Variants in TRA2A observed in about 807,000 individuals in gnomAD.
TRA2A encodes transformer 2 alpha homolog.
In TRA2A, 31 loss-of-function variants were observed where a neutral mutation model predicts 45.7. The observed-to-expected ratio is 0.68, with a 90% CI of 0.51 to 0.92. The LOEUF (loss-of-function observed/expected upper bound fraction) is 0.92. TRA2A is among the 40% of genes least tolerant of loss of function. The pLI is 0.00. For missense variants in TRA2A, 304 were observed against 367.5 expected (o/e 0.83, Z 1.41); for synonymous variants, 132 against 126.2 (o/e 1.05, Z -0.31).
At chr7:23,522,556 TAAAAAAAAA>T (rs35027244) in intron 1 of TRA2A, 1 of 134,426 alleles carries the variant, frequency 7.4e-6, no homozygotes, top group African/African-American at 2.8e-5. Context: ...CTAGTTTATT[TAAAAAAAAA>T]AAAAAAAAAC....
chr7:23,516,037 T>C (rs967199764), intron 3 of TRA2A, among the ~76,000 whole-genome samples: 4 of 151,968 alleles, frequency 2.6e-5, no homozygotes, highest in African/African-American at 9.7e-5. Context: ...CTGGGTGTGG[T>C]GGTGCACACC....
intron 4 of TRA2A, among the ~76,000 whole-genome samples, chr7:23,508,714 T>A (rs1789453787): frequency 6.6e-6 from 1 of 152,220 alleles, no homozygotes; most frequent in South Asian, 2.1e-4. Context: ...CAGGATGGTC[T>A]CGATCTCTTG....
intron 1 of TRA2A, among the ~76,000 whole-genome samples, chr7:23,523,624 A>C (rs1790224842): frequency 6.6e-6 from 1 of 152,202 alleles, no homozygotes; most frequent in Non-Finnish European, 1.5e-5. Context: ...TAAAAACAAA[A>C]CTGAAATACA....
intron 1 of TRA2A, among the ~76,000 whole-genome samples, chr7:23,528,287 C>G (rs914000258): frequency 5.9e-5 from 9 of 152,144 alleles, no homozygotes; most frequent in Non-Finnish European, 1.3e-4. Flanking sequence ...CGGCTCACTG[C>G]AACCTCCGCC....
intron 2 of TRA2A, among the ~76,000 whole-genome samples, chr7:23,518,578 T>A (rs1255642411): frequency 6.6e-6 from 1 of 151,800 alleles, no homozygotes; most frequent in Non-Finnish European, 1.5e-5. Context: ...CCTGACCTTG[T>A]GATCCACCCA....
chr7:23,525,081 A>G (rs954903302), intron 1 of TRA2A, among the ~76,000 whole-genome samples: 4 of 152,242 alleles, frequency 2.6e-5, no homozygotes, highest in African/African-American at 9.6e-5. Flanking sequence ...TGCCAAGTAT[A>G]TAATTATTTA....
intron 1 of TRA2A, among the ~76,000 whole-genome samples, chr7:23,528,892 G>A (rs1459595384): frequency 1.3e-5 from 2 of 152,038 alleles, no homozygotes; most frequent in African/African-American, 2.4e-5. Context: ...TCCTGAAAAG[G>A]AGGCAATAAG....
At chr7:23,518,629 C>T (rs536944476) in intron 2 of TRA2A, among the ~76,000 whole-genome samples, 2 of 151,982 alleles carry the variant, frequency 1.3e-5, no homozygotes, top group South Asian at 4.2e-4. Context: ...GCATGAGCCA[C>T]CGTGCCCAGC....
At position 23,516,302 on chromosome 7, in the gene TRA2A, T is replaced by C. The variant is rs141914790; in HGVS notation, c.336+61A>G. 241 of 1,569,396 alleles carry C rather than the reference T, an allele frequency of 1.5e-4. No homozygotes were observed. The East Asian group carries it at 5.1e-3, about 33-fold the overall frequency. On this transcript the variant is annotated intron_variant, in intron 3 of 7. Coordinates refer to ENST00000297071, the MANE Select transcript of TRA2A (RefSeq NM_013293.5). ...GCCAAGCTCCCCTAAAAGCAAGATA[T>C]GCCATGACTAAACACATAAAAGAGA...
rs746989115 is a variant in TRA2A at position 23,506,218 on chromosome 7, ACCACCT to A, written c.684_689del (p.Gly230_Gly231del). On this transcript the variant is annotated inframe_deletion, in exon 6 of 8. Transcript: ENST00000297071. ...CATAGTAAGAATCTCGACGTCTGCC[ACCACCT>A]CCACCTCCACCGCCGCCGCCTCCTC... 8.1e-6 allele frequency: 13 copies of A among 1,613,248 alleles called. No individual in the cohort carries two copies. Among genetic ancestry groups the A allele is most frequent in the African/African-American group, 1.3e-5 (1 of 74,994 alleles).
chr7:23,516,736 A>AACC (rs1442264953), intron 2 of TRA2A, among the ~76,000 whole-genome samples: 1 of 152,066 alleles, frequency 6.6e-6, no homozygotes, highest in Admixed American at 6.6e-5. Flanking sequence ...CTTTTCACCT[A>AACC]ACCTTACAAA....
intron 1 of TRA2A, among the ~76,000 whole-genome samples, chr7:23,527,329 T>C (rs1411311274): frequency 2.6e-5 from 4 of 152,160 alleles, no homozygotes; most frequent in African/African-American, 9.7e-5. Flanking sequence ...CATATTTCCC[T>C]TTAGTATTCT....
At chr7:23,521,971 A>C in intron 1 of TRA2A, 131 bp from the exon 2 acceptor site, 1 of 1,440,262 alleles carries the variant, frequency 6.9e-7, no homozygotes, top group Non-Finnish European at 9.2e-7. Context: ...CTCCAGAAAA[A>C]ATTTCAGCTC....
At chr7:23,516,556 A>G in intron 2 of TRA2A, 28 bp from the exon 3 acceptor site, 1 of 1,609,108 alleles carries the variant, frequency 6.2e-7, no homozygotes. Flanking sequence ...TTAGGTAAAA[A>G]TACTGAAACA....
At chr7:23,510,029 T>C (rs1462138567) in intron 4 of TRA2A, among the ~76,000 whole-genome samples, 3 of 151,740 alleles carry the variant, frequency 2.0e-5, no homozygotes, top group Non-Finnish European at 4.4e-5. Context: ...CAAGACCTCA[T>C]CTCCAAACAA....
At chr7:23,525,735 G>C (rs1036689123) in intron 1 of TRA2A, among the ~76,000 whole-genome samples, 3 of 152,116 alleles carry the variant, frequency 2.0e-5, no homozygotes, top group African/African-American at 4.8e-5. Context: ...GGGATTACAG[G>C]CACCCGCCAT....
intron 4 of TRA2A, among the ~76,000 whole-genome samples, chr7:23,510,964 G>A (rs1789574108): frequency 6.6e-6 from 1 of 152,100 alleles, no homozygotes; most frequent in South Asian, 2.1e-4. Flanking sequence ...TAGCACTATT[G>A]ACATTTTGAG....
chr7:23,522,015 C>T lies in TRA2A; in HGVS notation c.37-175G>A, dbSNP rs190811797. The T allele has an allele frequency of 4.1e-4, 576 of 1,400,214 alleles. 2 individuals are homozygous for T. The East Asian group carries it at 8.7e-3, about 21-fold the overall frequency. The allele number at this position is 1,400,214 out of a possible 1,614,324, so 86.7% of individuals were successfully genotyped here. ...CCCACTGTTAATACTGCTAACTGTCCTCAATAATTCCCTACTTGAACCAGA... is the reference window on the plus strand; with the variant it reads ...CCCACTGTTAATACTGCTAACTGTCTTCAATAATTCCCTACTTGAACCAGA... On this transcript the variant is annotated intron_variant, in intron 1 of 7. Coordinates refer to ENST00000297071, the MANE Select transcript of TRA2A (RefSeq NM_013293.5).
intron 1 of TRA2A, among the ~76,000 whole-genome samples, chr7:23,527,867 TTCAGTGAAAGAACC>T (rs1324820422): frequency 6.6e-6 from 1 of 152,208 alleles, no homozygotes; most frequent in African/African-American, 2.4e-5. Flanking sequence ...ATCAACATCC[TTCAGTGAAAGAACC>T]TCAAATATAA....
Sources: allele counts gnomAD v4.1 joint callset (sites outside exome capture counted in the v4.1 genomes callset), GRCh38; gene constraint gnomAD v4.1.1; transcripts MANE v1.5; gene names NCBI Gene and HGNC (gene_info 2026-07-23, HGNC 2026-07-21).